The following TIAM1 variants were observed in gnomAD, a reference collection of about 807,000 sequenced individuals.
TIAM1 encodes TIAM Rac1 associated GEF 1.
TIAM1 carries 65 observed loss-of-function variants against 163.5 expected under a neutral mutation model. That is an observed-to-expected ratio of 0.40 (90% CI 0.33 to 0.49). TIAM1 has a LOEUF of 0.49. Among genes scored for constraint, TIAM1 ranks in the 20% least tolerant of loss-of-function variants. TIAM1 has a pLI of 0.77. For synonymous variants in TIAM1, 833 were observed against 810.1 expected (o/e 1.03, Z -0.48); for missense variants, 1,789 against 2,044.7 (o/e 0.87, Z 2.41).
At chr21:31,424,376 T>G (rs79234510) in intron 2 of TIAM1, among the ~76,000 whole-genome samples, 8,759 of 152,252 alleles carry the variant, frequency 0.058, 791 homozygotes, top group African/African-American at 0.2. Context: ...AGGGTGGATT[T>G]GTGGATGCCA....
chr21:31,357,588 A>T (rs116557054), intron 2 of TIAM1, among the ~76,000 whole-genome samples: 227 of 152,242 alleles, frequency 1.5e-3, no homozygotes, highest in African/African-American at 5.1e-3. Flanking sequence ...TCTCCTCCAC[A>T]TCATCAAATT....
intron 15 of TIAM1, among the ~76,000 whole-genome samples, chr21:31,168,214 T>G (rs2084333046): frequency 6.6e-6 from 1 of 151,688 alleles, no homozygotes; most frequent in Non-Finnish European, 1.5e-5. Context: ...TGCCTCAGCC[T>G]CCTGAGTAGC....
chr21:31,384,041 T>C (rs2147180339), intron 2 of TIAM1, among the ~76,000 whole-genome samples: 2 of 152,146 alleles, frequency 1.3e-5, no homozygotes, highest in South Asian at 4.1e-4. Context: ...TGCTAAAATC[T>C]AAGTAGAGCA....
At chr21:31,353,613 C>G (rs1369851136) in intron 2 of TIAM1, among the ~76,000 whole-genome samples, 1 of 151,904 alleles carries the variant, frequency 6.6e-6, no homozygotes, top group Non-Finnish European at 1.5e-5. Context: ...ATTACTAGAC[C>G]CATTTAACAG....
At chr21:31,473,323 G>A (rs1361857916) in intron 1 of TIAM1, among the ~76,000 whole-genome samples, 9 of 151,152 alleles carry the variant, frequency 6.0e-5, no homozygotes, top group South Asian at 2.1e-4. Context: ...CCAGCTACTC[G>A]GGAGGCTGAG....
At chr21:31,179,030 C>G (rs527892943) in intron 15 of TIAM1, among the ~76,000 whole-genome samples, 1 of 151,588 alleles carries the variant, frequency 6.6e-6, no homozygotes, top group African/African-American at 2.4e-5. Context: ...GGATTACAGG[C>G]GTGAGCCACC....
At chr21:31,165,717 T>C (rs903010514) in intron 15 of TIAM1, among the ~76,000 whole-genome samples, 1 of 151,798 alleles carries the variant, frequency 6.6e-6, no homozygotes, top group African/African-American at 2.4e-5. Context: ...AATTAACTGA[T>C]TTTGTTGATT....
chr21:31,154,488 A>C, intron 16 of TIAM1, 62 bp from the exon 17 acceptor site: 1 of 1,556,614 alleles, frequency 6.4e-7, no homozygotes, highest in Non-Finnish European at 8.7e-7. Context: ...CGCACCTGAC[A>C]CCTGGACCGC....
At chr21:31,472,912 T>C (rs2045798551) in intron 1 of TIAM1, among the ~76,000 whole-genome samples, 2 of 152,196 alleles carry the variant, frequency 1.3e-5, no homozygotes, top group South Asian at 4.1e-4. Context: ...TCACCGTCAT[T>C]ACAGTAATTG....
intron 1 of TIAM1, among the ~76,000 whole-genome samples, chr21:31,543,660 T>C (rs1381751414): frequency 6.6e-6 from 1 of 152,140 alleles, no homozygotes; most frequent in Non-Finnish European, 1.5e-5. Flanking sequence ...ATGTCCCAGA[T>C]CTGGAAACAG....
chr21:31,381,040 A>G (rs771813522), intron 2 of TIAM1, among the ~76,000 whole-genome samples: 1 of 152,258 alleles, frequency 6.6e-6, no homozygotes, highest in Non-Finnish European at 1.5e-5. Context: ...ATAAGTAAAT[A>G]AATAACAACA....
At chr21:31,442,397 T>C (rs2044468681) in intron 2 of TIAM1, among the ~76,000 whole-genome samples, 1 of 151,672 alleles carries the variant, frequency 6.6e-6, no homozygotes, top group African/African-American at 2.4e-5. Flanking sequence ...CATGCCTGGG[T>C]AATTTTTGGA....
At chr21:31,552,707 T>C (rs1446428222) in intron 1 of TIAM1, among the ~76,000 whole-genome samples, 1 of 151,818 alleles carries the variant, frequency 6.6e-6, no homozygotes, top group Admixed American at 6.6e-5. Flanking sequence ...GAGATGGAGG[T>C]TGCAGTGAGC....
At chr21:31,208,340 A>T (rs963769287) in intron 11 of TIAM1, among the ~76,000 whole-genome samples, 2 of 152,226 alleles carry the variant, frequency 1.3e-5, no homozygotes, top group African/African-American at 4.8e-5. Context: ...AACACCTTCC[A>T]GAGTTCGGCT....
chr21:31,546,681 T>G (rs988379340), intron 1 of TIAM1, among the ~76,000 whole-genome samples: 1 of 152,144 alleles, frequency 6.6e-6, no homozygotes, highest in African/African-American at 2.4e-5. Flanking sequence ...AAATATTTTA[T>G]TCATGGCAAA....
At chr21:31,405,365 C>A (rs1000177566) in intron 2 of TIAM1, among the ~76,000 whole-genome samples, 3 of 152,206 alleles carry the variant, frequency 2.0e-5, no homozygotes, top group Admixed American at 6.5e-5. Flanking sequence ...ACAGTTCACT[C>A]TCTTCAAGAG....
intron 14 of TIAM1, among the ~76,000 whole-genome samples, chr21:31,184,269 C>A (rs1037481712): frequency 4.6e-5 from 7 of 152,062 alleles, no homozygotes; most frequent in African/African-American, 7.2e-5. Flanking sequence ...CCATGCCCAG[C>A]TAATTTTTGT....
intron 17 of TIAM1, 105 bp downstream of exon 17, chr21:31,154,142 T>C: frequency 2.3e-6 from 3 of 1,291,328 alleles, no homozygotes; most frequent in Non-Finnish European, 3.2e-6. Context: ...CAAGACGCTC[T>C]TCATGAACAC....
chr21:31,405,526 C>T (rs2077232434), intron 2 of TIAM1, among the ~76,000 whole-genome samples: 1 of 152,042 alleles, frequency 6.6e-6, no homozygotes, highest in Non-Finnish European at 1.5e-5. Flanking sequence ...GGGCAATGTA[C>T]AAAAGAAAGG....
Sources: gnomAD v4.1 joint callset for allele counts (sites outside exome capture counted in the v4.1 genomes callset) on GRCh38, gnomAD v4.1.1 for gene constraint, MANE v1.5 for transcripts, NCBI Gene and HGNC (gene_info 2026-07-23, HGNC 2026-07-21) for gene names.